Variants in SNTG2 observed in about 807,000 individuals in gnomAD.
The protein encoded by SNTG2 is gamma-2-syntrophin.
SNTG2 carries 74 observed loss-of-function variants against 70.9 expected under a neutral mutation model. The observed-to-expected ratio is 1.04, with a 90% CI of 0.86 to 1.27. The LOEUF is 1.27. SNTG2 is among the 50% of genes most tolerant of loss of function. SNTG2 has a pLI of 0.00. For synonymous variants in SNTG2, 278 were observed against 273.8 expected (o/e 1.02, Z -0.15); for missense variants, 717 against 690.7 (o/e 1.04, Z -0.43).
intron 9 of SNTG2, among the ~76,000 whole-genome samples, chr2:1,237,428 G>A (rs1452741065): frequency 1.3e-5 from 2 of 152,054 alleles, no homozygotes; most frequent in South Asian, 2.1e-4. Context: ...GTGTCATGGA[G>A]CAGTGGAAGG....
chr2:1,125,254 C>T (rs1267717896), intron 4 of SNTG2, among the ~76,000 whole-genome samples: 1 of 152,156 alleles, frequency 6.6e-6, no homozygotes, highest in Non-Finnish European at 1.5e-5. Context: ...AGATTTCTTG[C>T]ATAGCATATT....
chr2:1,268,964 G>A (rs941547728), intron 14 of SNTG2, among the ~76,000 whole-genome samples: 4 of 152,144 alleles, frequency 2.6e-5, no homozygotes, highest in Admixed American at 6.5e-5. Flanking sequence ...GCAGAGTCCC[G>A]GTGGCCATTC....
chr2:1,364,523 G>A (rs113769592), intron 16 of SNTG2, among the ~76,000 whole-genome samples: 3,794 of 151,456 alleles, frequency 0.025, 155 homozygotes, highest in African/African-American at 0.087. Context: ...TTGGGAGGCC[G>A]GTGCTGGCAG....
At chr2:1,184,321 A>G (rs1672114779) in intron 8 of SNTG2, among the ~76,000 whole-genome samples, 1 of 151,944 alleles carries the variant, frequency 6.6e-6, no homozygotes, top group African/African-American at 2.4e-5. Flanking sequence ...TATCAAACAC[A>G]TAAGGGAAAA....
At chr2:1,348,461 G>T (rs1043005146) in intron 16 of SNTG2, among the ~76,000 whole-genome samples, 4 of 152,184 alleles carry the variant, frequency 2.6e-5, no homozygotes, top group Admixed American at 2.6e-4. Context: ...AATAAGAACT[G>T]TGGTCTCCAC....
intron 1 of SNTG2, among the ~76,000 whole-genome samples, chr2:991,305 C>T (rs942989864): frequency 6.6e-6 from 1 of 151,152 alleles, no homozygotes; most frequent in Non-Finnish European, 1.5e-5. Context: ...AGTCTTGCCT[C>T]ATTGTTAAAA....
At chr2:972,955 A>G (rs1017135728) in intron 1 of SNTG2, among the ~76,000 whole-genome samples, 2 of 152,214 alleles carry the variant, frequency 1.3e-5, no homozygotes, top group Non-Finnish European at 2.9e-5. Context: ...TAATACAAGT[A>G]TCTACTACTA....
chr2:1,093,204 T>TG (rs1439354383), intron 2 of SNTG2, among the ~76,000 whole-genome samples: 1 of 152,156 alleles, frequency 6.6e-6, no homozygotes, highest in Non-Finnish European at 1.5e-5. Flanking sequence ...CACCTGCTTG[T>TG]GGGTCCTTGA....
chr2:1,068,174 T>G (rs1663280995), intron 1 of SNTG2: 1 of 152,180 alleles, frequency 6.6e-6, no homozygotes, highest in Non-Finnish European at 1.5e-5. Flanking sequence ...AAGTAGCTAG[T>G]GTGTCACCCA....
At chr2:1,006,077 C>G (rs1659561628) in intron 1 of SNTG2, among the ~76,000 whole-genome samples, 1 of 146,728 alleles carries the variant, frequency 6.8e-6, no homozygotes, top group Non-Finnish European at 1.5e-5. Flanking sequence ...AACAAAAAAC[C>G]AAACACCGCA....
Position 1,239,755 on chromosome 2 carries a change from ATGC to A in SNTG2, c.872_874del (p.Cys291del). On this transcript the variant is annotated inframe_deletion, in exon 11 of 17. Coordinates refer to ENST00000308624, the MANE Select transcript of SNTG2 (RefSeq NM_018968.4). ...CTCCACAGATGAAGATGGCGAACAAATGCTGCTCTCCTTCCGACCAGGTAGGGT... is the reference window on the plus strand; with the variant it reads ...CTCCACAGATGAAGATGGCGAACAAATGCTCTCCTTCCGACCAGGTAGGGT... 9.3e-6 allele frequency: 15 copies of A among 1,613,560 alleles called. No homozygotes were observed. Among genetic ancestry groups the A allele is most frequent in the Non-Finnish European group, 1.3e-5 (15 of 1,179,802 alleles).
At chr2:1,017,167 G>T (rs531550183) in intron 1 of SNTG2, among the ~76,000 whole-genome samples, 67 of 152,122 alleles carry the variant, frequency 4.4e-4, no homozygotes, top group African/African-American at 1.4e-3. Context: ...TTGTAATTTG[G>T]TGTCTTATTG....
chr2:1,270,305 G>C (rs1019348232), intron 14 of SNTG2, among the ~76,000 whole-genome samples: 2 of 152,034 alleles, frequency 1.3e-5, no homozygotes, highest in Admixed American at 1.3e-4. Flanking sequence ...TACATAAACT[G>C]TAAATTATTA....
chr2:1,102,038 G>A (rs537100248), intron 4 of SNTG2, among the ~76,000 whole-genome samples: 9 of 152,260 alleles, frequency 5.9e-5, no homozygotes, highest in African/African-American at 1.9e-4. Flanking sequence ...CAGATAAGAC[G>A]CTTCTCGGGC....
At chr2:970,382 A>T (rs1420774384) in intron 1 of SNTG2, among the ~76,000 whole-genome samples, 1 of 150,154 alleles carries the variant, frequency 6.7e-6, no homozygotes, top group Non-Finnish European at 1.5e-5. Context: ...CTCATCATCT[A>T]GCATTAGGTA....
chr2:1,357,614 G>C (rs4613330), intron 16 of SNTG2, among the ~76,000 whole-genome samples: 109,714 of 151,964 alleles, frequency 0.72, 39,894 homozygotes, highest in East Asian at 0.94. Flanking sequence ...TTTAATGTTT[G>C]GTAGAATTCC....
chr2:966,072 C>A (rs1287892113), intron 1 of SNTG2, among the ~76,000 whole-genome samples: 2 of 152,336 alleles, frequency 1.3e-5, no homozygotes, highest in African/African-American at 4.8e-5. Flanking sequence ...TGCCCAGGGT[C>A]CCCCGCGGAA....
intron 16 of SNTG2, among the ~76,000 whole-genome samples, chr2:1,328,659 A>T (rs1360319020): frequency 6.6e-6 from 1 of 152,208 alleles, no homozygotes; most frequent in Admixed American, 6.5e-5. Flanking sequence ...GTTTCACATT[A>T]TCCTTGGCAA....
At chr2:1,087,890 TGCAA>T (rs1018345697) in intron 2 of SNTG2, among the ~76,000 whole-genome samples, 2 of 152,234 alleles carry the variant, frequency 1.3e-5, no homozygotes, top group African/African-American at 4.8e-5. Flanking sequence ...TCATCACACT[TGCAA>T]GCGTGTAGGA....
Sources: gnomAD v4.1 joint callset for allele counts (sites outside exome capture counted in the v4.1 genomes callset) on GRCh38, gnomAD v4.1.1 for gene constraint, MANE v1.5 for transcripts, NCBI Gene and HGNC (gene_info 2026-07-23, HGNC 2026-07-21) for gene names.